SLC16A10: variants seen among roughly 807,000 people sequenced by gnomAD.
SLC16A10 encodes solute carrier family 16 member 10.
In SLC16A10, 27 loss-of-function variants were observed where a neutral mutation model predicts 40.0. That is an observed-to-expected ratio of 0.67 (90% confidence interval 0.50 to 0.93). The LOEUF is 0.93. SLC16A10 is among the 40% of genes least tolerant of loss of function. SLC16A10 has a pLI of 0.00. For missense variants in SLC16A10, 529 were observed against 658.2 expected, an observed-to-expected ratio of 0.80 and a Z score of 2.15; for synonymous variants, 213 against 249.8, an observed-to-expected ratio of 0.85 and a Z score of 1.39.
intron 3 of SLC16A10, among the ~76,000 whole-genome samples, chr6:111,180,950 C>T (rs528911921): frequency 6.6e-6 from 1 of 152,288 alleles, no homozygotes; most frequent in East Asian, 1.9e-4. Context: ...TGCGGTGGCT[C>T]ACCCCTGTAA....
Position 111,227,582 on chromosome 6 carries a change from A to G in SLC16A10, c.*5347A>G, listed in dbSNP as rs1771024354. 6.6e-6 allele frequency: 1 copy of G among 152,184 alleles called. No homozygotes were observed. Among genetic ancestry groups the G allele is most frequent in the South Asian group, 2.1e-4 (1 of 4,828 alleles). The allele number at this position is 152,184 out of a possible 1,614,324, so 9.4% of individuals were successfully genotyped here. On this transcript the variant is annotated 3_prime_UTR_variant, in exon 6 of 6. Coordinates refer to ENST00000368851, the MANE Select transcript of SLC16A10 (RefSeq NM_018593.5). Reference sequence around the variant, plus strand: ...CCTTTTTTAAAATTATCAAATTTTAAATCGTAAACTTTGTCTTCACTTCCA... The same window carrying G: ...CCTTTTTTAAAATTATCAAATTTTAGATCGTAAACTTTGTCTTCACTTCCA...
Position 111,223,087 on chromosome 6 carries a change from A to AAC in SLC16A10, c.*853_*854insCA, listed in dbSNP as rs1770934079. 1 of 151,874 alleles carries AAC rather than the reference A, an allele frequency of 6.6e-6. No individual in the cohort carries two copies. The highest frequency in any genetic ancestry group is 1.5e-5 in the Non-Finnish European group (1 of 67,968). The allele number at this position is 151,874 out of a possible 1,614,324, so 9.4% of individuals were successfully genotyped here. ...TGTTGGCACTAGAACCTGATATTTAAAGTCTTACTGAGCAGCTATCAAGTG... is the reference window on the plus strand; with the variant it reads ...TGTTGGCACTAGAACCTGATATTTAAACAGTCTTACTGAGCAGCTATCAAGTG... On this transcript the variant is annotated 3_prime_UTR_variant, in exon 6 of 6. Coordinates refer to ENST00000368851, the MANE Select transcript of SLC16A10 (RefSeq NM_018593.5).
At chr6:111,093,375 G>A (rs1771018675) in intron 1 of SLC16A10, among the ~76,000 whole-genome samples, 1 of 152,280 alleles carries the variant, frequency 6.6e-6, no homozygotes. Flanking sequence ...TCACAAAGTA[G>A]GGTTTTCAGT....
intron 1 of SLC16A10, among the ~76,000 whole-genome samples, chr6:111,150,840 C>G (rs1351601285): frequency 6.6e-6 from 1 of 152,140 alleles, no homozygotes; most frequent in East Asian, 1.9e-4. Context: ...TGGCAAGTCT[C>G]TACTCGTACA....
At chr6:111,089,930 T>A (rs1470514764) in intron 1 of SLC16A10, among the ~76,000 whole-genome samples, 37 of 120,772 alleles carry the variant, frequency 3.1e-4, no homozygotes, top group Middle Eastern at 3.8e-3. Flanking sequence ...TTTTTTTTTT[T>A]TTTTTTTTTT....
chr6:111,118,731 G>T (rs1028019039), intron 1 of SLC16A10, among the ~76,000 whole-genome samples: 3 of 148,802 alleles, frequency 2.0e-5, no homozygotes, highest in African/African-American at 7.4e-5. Context: ...ATATGGCATT[G>T]ATGGACCACT....
At chr6:111,219,240 T>C (rs1210996086) in intron 5 of SLC16A10, among the ~76,000 whole-genome samples, 198 bp downstream of exon 5, 1 of 152,166 alleles carries the variant, frequency 6.6e-6, no homozygotes, top group African/African-American at 2.4e-5. Context: ...AGAGTCCCTC[T>C]TATCCTTACT....
chr6:111,179,477 A>G (rs147565358), intron 3 of SLC16A10, among the ~76,000 whole-genome samples: 1 of 152,346 alleles, frequency 6.6e-6, no homozygotes, highest in East Asian at 1.9e-4. Context: ...AAATCAGTCT[A>G]CAGTCTTAAT....
At chr6:111,176,378 T>G (rs1177752351) in intron 2 of SLC16A10, among the ~76,000 whole-genome samples, 2 of 152,258 alleles carry the variant, frequency 1.3e-5, no homozygotes, top group African/African-American at 4.8e-5. Context: ...CTTTAACTAG[T>G]TTTATTCCTT....
intron 1 of SLC16A10, among the ~76,000 whole-genome samples, chr6:111,169,549 G>A (rs1164060352): frequency 6.6e-6 from 1 of 152,220 alleles, no homozygotes; most frequent in Non-Finnish European, 1.5e-5. Flanking sequence ...TTGGTGTAAA[G>A]TCGTGGAAGA....
chr6:111,216,108 C>T (rs1773416846), intron 4 of SLC16A10, among the ~76,000 whole-genome samples: 2 of 152,160 alleles, frequency 1.3e-5, no homozygotes, highest in South Asian at 4.1e-4. Context: ...ATCTTTAAAT[C>T]TCTTTTTGTC....
At chr6:111,181,129 C>G (rs570719305) in intron 3 of SLC16A10, among the ~76,000 whole-genome samples, 7 of 151,118 alleles carry the variant, frequency 4.6e-5, no homozygotes, top group Non-Finnish European at 7.4e-5. Flanking sequence ...GCAGGAGAAT[C>G]GCTTGAACTT....
At chr6:111,119,892 C>G (rs553283922) in intron 1 of SLC16A10, among the ~76,000 whole-genome samples, 1 of 152,168 alleles carries the variant, frequency 6.6e-6, no homozygotes, top group African/African-American at 2.4e-5. Flanking sequence ...TGTCTTCTTT[C>G]AAGTATTTTA....
chr6:111,107,179 A>G (rs1441076098), intron 1 of SLC16A10, among the ~76,000 whole-genome samples: 1 of 152,226 alleles, frequency 6.6e-6, no homozygotes, highest in Non-Finnish European at 1.5e-5. Flanking sequence ...ATGAAAAAAA[A>G]CTGTGCATGG....
chr6:111,150,439 T>C (rs1365509937), intron 1 of SLC16A10, among the ~76,000 whole-genome samples: 6 of 152,240 alleles, frequency 3.9e-5, no homozygotes, highest in Non-Finnish European at 8.8e-5. Context: ...TGGCACATTG[T>C]ACATTTTAAA....
chr6:111,100,992 CTATATATATATA>C lies in SLC16A10; in HGVS notation c.343+12912_343+12923del, dbSNP rs71021826. Among the ~76,000 whole-genome samples the C allele has an allele frequency of 2.4e-4, 16 of 66,426 alleles. 1 individual carries two copies. The highest frequency in any genetic ancestry group is 9.7e-4 in the African/African-American group (15 of 15,500). The allele number at this position is 66,426 out of a possible 152,430, so 43.6% of individuals were successfully genotyped here. ...TCTCTCTCTCTCTCTCTCTCTCTCTCTATATATATATATATATATATATATAAATATATGTAT... is the reference window on the plus strand; with the variant it reads ...TCTCTCTCTCTCTCTCTCTCTCTCTCTATATATATATATAAATATATGTAT... On this transcript the variant is annotated intron_variant, in intron 1 of 5. Coordinates refer to ENST00000368851, the MANE Select transcript of SLC16A10 (RefSeq NM_018593.5).
At chr6:111,174,906 T>C (rs1023818358) in intron 2 of SLC16A10, among the ~76,000 whole-genome samples, 2 of 152,200 alleles carry the variant, frequency 1.3e-5, no homozygotes, top group East Asian at 3.8e-4. Context: ...CCCAGTTCTG[T>C]CTCTCTTTCT....
chr6:111,218,946 G>A lies in SLC16A10; in HGVS notation c.1219G>A (p.Ala407Thr). The A allele has an allele frequency of 6.2e-7, 1 of 1,614,112 alleles. No homozygotes were observed. Among genetic ancestry groups the A allele is most frequent in the Non-Finnish European group, 8.5e-7 (1 of 1,180,030 alleles). ...CTTCATTTCCATTATGGCTCCCATA[G>A]CCTTTGAGTTAGTTGGTGCCCAGGA... Reference protein sequence around the residue: ...GCFISIMAPIAFELVGAQDVS... With the variant: ...GCFISIMAPITFELVGAQDVS... Residue 407 changes from alanine (A) to threonine (T), a missense_variant, in exon 5 of 6, where the codon GCC (alanine) becomes ACC (threonine). By Grantham distance (58) the Ala-to-Thr change is moderately conservative. Transcript: ENST00000368851.
chr6:111,158,879 A>G (rs1333496624), intron 1 of SLC16A10, among the ~76,000 whole-genome samples: 1 of 151,964 alleles, frequency 6.6e-6, no homozygotes, highest in African/African-American at 2.4e-5. Context: ...TGAATCCAGG[A>G]GTTAGAGACC....
Sources: gnomAD v4.1 joint callset for allele counts (sites outside exome capture counted in the v4.1 genomes callset) on GRCh38, gnomAD v4.1.1 for gene constraint, MANE v1.5 for transcripts, NCBI Gene and HGNC (gene_info 2026-07-23, HGNC 2026-07-21) for gene names.